SCHIP1: variants seen among roughly 807,000 people sequenced by gnomAD.
SCHIP1 encodes schwannomin interacting protein 1, also known as schwannomin-interacting protein 1.
Under a neutral mutation model 29.7 loss-of-function variants are expected in SCHIP1, and 8 were observed. The ratio of observed to expected loss-of-function variants is 0.27; its 90% CI spans 0.16 to 0.49. SCHIP1 has a LOEUF of 0.49. Ranked by LOEUF, SCHIP1 falls within the 20% of genes least tolerant of loss-of-function variation. The pLI is 0.99. For missense variants in SCHIP1, 193 were observed against 294.6 expected, an observed-to-expected ratio of 0.66 and a Z score of 2.52; for synonymous variants, 76 against 94.9, an observed-to-expected ratio of 0.80 and a Z score of 1.16.
At chr3:159,409,514 A>G in the SCHIP1 span, among the ~76,000 whole-genome samples, 42 of 152,252 alleles carry the variant, frequency 2.8e-4, no homozygotes, top group African/African-American at 9.9e-4. Context: ...AAAGAAATTT[A>G]AAAACTAGTC....
At chr3:159,660,562 T>C in the SCHIP1 span, among the ~76,000 whole-genome samples, 25 of 152,304 alleles carry the variant, frequency 1.6e-4, no homozygotes, top group South Asian at 4.6e-3. Flanking sequence ...CATACACATA[T>C]ACATAAAACA....
At chr3:159,780,102 C>T in the SCHIP1 span, among the ~76,000 whole-genome samples, 4 of 152,198 alleles carry the variant, frequency 2.6e-5, no homozygotes, top group Non-Finnish European at 5.9e-5. Context: ...GTAGCTGACT[C>T]ATGTTCTGGG....
At chr3:159,615,742 G>A in the SCHIP1 span, among the ~76,000 whole-genome samples, 1 of 152,188 alleles carries the variant, frequency 6.6e-6, no homozygotes. Context: ...GATGAGTCTA[G>A]AATGACTCCC....
the SCHIP1 span, among the ~76,000 whole-genome samples, chr3:159,490,692 T>C: frequency 6.6e-6 from 1 of 152,230 alleles, no homozygotes; most frequent in Non-Finnish European, 1.5e-5. Context: ...AATGGAGCCC[T>C]CGTGTATGGA....
the SCHIP1 span, among the ~76,000 whole-genome samples, chr3:159,423,235 A>T: frequency 1.3e-5 from 2 of 152,224 alleles, no homozygotes; most frequent in Non-Finnish European, 2.9e-5. Flanking sequence ...CACCATGCGC[A>T]AGGTGAAGCA....
At chr3:159,617,285 C>A in the SCHIP1 span, among the ~76,000 whole-genome samples, 1 of 152,132 alleles carries the variant, frequency 6.6e-6, no homozygotes, top group African/African-American at 2.4e-5. Flanking sequence ...CAGAAATAAG[C>A]CTTAGAACCA....
the SCHIP1 span, among the ~76,000 whole-genome samples, chr3:159,660,571 C>T: frequency 2.6e-5 from 4 of 151,960 alleles, no homozygotes; most frequent in African/African-American, 9.7e-5. Flanking sequence ...ATACATAAAA[C>T]ATATGCACAC....
chr3:159,697,502 T>C, the SCHIP1 span, among the ~76,000 whole-genome samples: 4 of 152,306 alleles, frequency 2.6e-5, no homozygotes, highest in African/African-American at 4.8e-5. Context: ...GGACCATACA[T>C]TATTCACCTC....
At chr3:159,535,067 T>G in the SCHIP1 span, among the ~76,000 whole-genome samples, 1 of 152,122 alleles carries the variant, frequency 6.6e-6, no homozygotes, top group African/African-American at 2.4e-5. Context: ...GAGTACAATA[T>G]TTAATTTAAC....
chr3:159,884,349 C>CTGTGTGTG (rs10661642), intron 2 of SCHIP1, among the ~76,000 whole-genome samples: 2,308 of 140,606 alleles, frequency 0.016, 36 homozygotes, highest in East Asian at 0.037. Context: ...GTGTCTGTGT[C>CTGTGTGTG]TGTGTGTGTG....
At chr3:159,862,609 A>C (rs1714177709) in intron 1 of SCHIP1, among the ~76,000 whole-genome samples, 1 of 152,248 alleles carries the variant, frequency 6.6e-6, no homozygotes, top group African/African-American at 2.4e-5. Context: ...TAACTACATA[A>C]CATTTACAGT....
the SCHIP1 span, among the ~76,000 whole-genome samples, chr3:159,499,550 T>C: frequency 6.6e-5 from 10 of 152,228 alleles, no homozygotes. Context: ...CTTTCTACTC[T>C]TAGGATCACA....
the SCHIP1 span, among the ~76,000 whole-genome samples, chr3:159,374,686 A>G: frequency 6.6e-6 from 1 of 152,234 alleles, no homozygotes; most frequent in East Asian, 1.9e-4. Context: ...TTATGACTCT[A>G]TTACTTAATA....
chr3:159,888,977 C>A, intron 5 of SCHIP1, 34 bp downstream of exon 6: 2 of 1,606,528 alleles, frequency 1.2e-6, no homozygotes, highest in South Asian at 1.1e-5. Context: ...ATAGGATATT[C>A]AATGTAAAAC....
At chr3:159,852,555 T>A (rs942793078) in intron 1 of SCHIP1, among the ~76,000 whole-genome samples, 1 of 152,124 alleles carries the variant, frequency 6.6e-6, no homozygotes, top group Middle Eastern at 3.2e-3. Context: ...ATGGGAAAAG[T>A]GTAAAGAGAG....
At chr3:159,751,461 A>T in the SCHIP1 span, among the ~76,000 whole-genome samples, 1 of 152,196 alleles carries the variant, frequency 6.6e-6, no homozygotes, top group African/African-American at 2.4e-5. Context: ...TTAGTGGATG[A>T]TTTATGGAAC....
At chr3:159,641,325 T>C in the SCHIP1 span, among the ~76,000 whole-genome samples, 104 of 152,310 alleles carry the variant, frequency 6.8e-4, no homozygotes, top group South Asian at 9.9e-3. Context: ...GTATTAATTA[T>C]TTTACTGCAT....
At chr3:159,460,590 G>A in the SCHIP1 span, among the ~76,000 whole-genome samples, 3 of 152,266 alleles carry the variant, frequency 2.0e-5, no homozygotes, top group Non-Finnish European at 4.4e-5. Context: ...TAATCAACAT[G>A]TCCCTGTCTA....
At chr3:159,784,580 G>A in the SCHIP1 span, among the ~76,000 whole-genome samples, 14 of 152,244 alleles carry the variant, frequency 9.2e-5, no homozygotes, top group Admixed American at 6.5e-4. Context: ...GGGCTTTCCC[G>A]TCAGTCGTTT....
Sources: gnomAD v4.1 joint callset for allele counts (sites outside exome capture counted in the v4.1 genomes callset) on GRCh38, gnomAD v4.1.1 for gene constraint, MANE v1.5 for transcripts, NCBI Gene and HGNC (gene_info 2026-07-23, HGNC 2026-07-21) for gene names.